The following INO80B variants were observed in gnomAD, a reference collection of about 807,000 sequenced individuals.
INO80B encodes the protein INO80 complex subunit B.
Under a neutral mutation model 31.4 loss-of-function variants are expected in INO80B, and 18 were observed. That is an observed-to-expected ratio of 0.57 (90% CI 0.40 to 0.85). The LOEUF is 0.85. Among genes scored for constraint, INO80B ranks in the 40% least tolerant of loss-of-function variants. The pLI, the probability that INO80B is intolerant of heterozygous loss-of-function variation, is 0.00. For missense variants in INO80B, 469 were observed against 475.4 expected (o/e 0.99, Z 0.13); for synonymous variants, 238 against 199.0 (o/e 1.20, Z -1.65).
At position 74,457,445 on chromosome 2, in the gene INO80B, G is replaced by C; in HGVS notation, c.652G>C (p.Glu218Gln). Residue 218 changes from glutamate to glutamine, a missense_variant, in exon 5 of 5, where the codon GAG becomes CAG. Physicochemically the swap from Glu to Gln is conservative, Grantham distance 29. Transcript: ENST00000233331. ...LTEEMLLKRE[E>Q]RARKRRLQAA... ...AGAGGAGATGCTGCTGAAGCGCGAG[G>C]AGCGGGCGCGGAAGCGGCGGCTCCA... 1.3e-6 allele frequency: 2 copies of C among 1,579,034 alleles called. No homozygotes were observed. The highest frequency in any genetic ancestry group is 4.7e-5 in the East Asian group (2 of 42,648).
rs1369926594 is a variant in INO80B, at chr2:74,457,788, T to C, written c.995T>C (p.Leu332Pro). 1 of 1,595,826 alleles carries C rather than the reference T, an allele frequency of 6.3e-7. No homozygotes were observed. The highest frequency in any genetic ancestry group is 1.7e-5 in the Admixed American group (1 of 59,696). ...CSRTGQALCSLQCYRINLQMR... is the reference protein window; with the variant it reads ...CSRTGQALCSPQCYRINLQMR... ...CGCACAGGCCAGGCACTCTGTAGTCTTCAGTGCTACCGCATCAACCTGCAG... is the reference window on the plus strand; with the variant it reads ...CGCACAGGCCAGGCACTCTGTAGTCCTCAGTGCTACCGCATCAACCTGCAG... Residue 332 changes from leucine to proline, a missense_variant, in exon 5 of 5, where the codon CTT (leucine) becomes CCT (proline). By Grantham distance (98) the Leu-to-Pro change is moderately conservative. Transcript: ENST00000233331.
rs1572912769 is a variant in INO80B at position 74,455,185 on chromosome 2, A to G, written c.58+11A>G. ...AGGCCCCTGAGCCGGGTAAGCGCGA[A>G]TAGATCAAGCAATTTAGGTCGTGTT... On this transcript the variant is annotated intron_variant, in intron 1 of 4. Transcript: ENST00000233331. 1 of 1,614,152 alleles carries G rather than the reference A, an allele frequency of 6.2e-7. No individual in the cohort carries two copies. The highest frequency in any genetic ancestry group is 1.1e-5 in the South Asian group (1 of 91,088).
In INO80B at chr2:74,456,237, AAGG is replaced by A; in HGVS notation, c.508_510del (p.Glu170del). On this transcript the variant is annotated inframe_deletion, in exon 4 of 5. Coordinates refer to ENST00000233331, the MANE Select transcript of INO80B (RefSeq NM_031288.4). Reference sequence around the variant, plus strand: ...GCTGGATGACAATGGAGACCTCAAGAAGGAGATCAATGAGCGGCTGCTTACTGC... The same window carrying A: ...GCTGGATGACAATGGAGACCTCAAGAAGATCAATGAGCGGCTGCTTACTGC... 1 of 1,614,170 alleles carries A rather than the reference AAGG, an allele frequency of 6.2e-7. No individual in the cohort carries two copies.
chr2:74,457,169 G>A (rs1671726024), intron 4 of INO80B, among the ~76,000 whole-genome samples, 165 bp from the exon 5 acceptor site: 2 of 152,192 alleles, frequency 1.3e-5, no homozygotes, highest in Admixed American at 6.5e-5. Flanking sequence ...CCTATGGAAG[G>A]TGTCCTGGAG....
Position 74,457,590 on chromosome 2 carries a change from C to A in INO80B, c.797C>A (p.Ala266Asp), listed in dbSNP as rs1360276067. Residue 266 changes from alanine (A) to aspartate (D), a missense_variant, in exon 5 of 5, where the codon GCT (alanine) becomes GAT (aspartate). Physicochemically the swap from Ala to Asp is moderately radical, Grantham distance 126 (BLOSUM62 -2). Coordinates refer to ENST00000233331, the MANE Select transcript of INO80B (RefSeq NM_031288.4). ...GARGERRGGR[A>D]AAPAPMVRYC... ...CGGGGCGAGCGGCGGGGAGGGCGGG[C>A]TGCGGCTCCGGCCCCCATGGTGCGC... 2 of 1,524,524 alleles carry A rather than the reference C, an allele frequency of 1.3e-6. No individual in the cohort carries two copies. Among genetic ancestry groups the A allele is most frequent in the Non-Finnish European group, 1.8e-6 (2 of 1,141,066 alleles). 94.4% of individuals were successfully genotyped at this position (1,524,524 alleles called of 1,614,324 possible). A position where few individuals can be genotyped will look rare whatever the true frequency, so the allele number is the denominator to read the frequency against.
chr2:74,456,010 G>C, intron 3 of INO80B, 74 bp downstream of exon 3: 1 of 1,552,408 alleles, frequency 6.4e-7, no homozygotes, highest in Non-Finnish European at 8.9e-7. Context: ...TTCTGAAATG[G>C]GTTAGGATTT....
chr2:74,455,322 T>TG lies in INO80B; in HGVS notation c.59-81dup, dbSNP rs543075139. On this transcript the variant is annotated intron_variant, in intron 1 of 4. Transcript: ENST00000233331. ...GTAACAGCGAGTACTGCGGGAAGGG[T>TG]GGGATCCAGTAGGGGCTTAGGTTAT... 9.0e-5 allele frequency: 140 copies of TG among 1,559,558 alleles called. No homozygotes were observed. The African/African-American group carries it at 1.9e-3, about 21-fold the overall frequency.
rs530925626 is a variant in INO80B at position 74,457,328 on chromosome 2, C to T, written c.541-6C>T. 7 of 1,603,620 alleles carry T rather than the reference C, an allele frequency of 4.4e-6. No individual in the cohort carries two copies. Among genetic ancestry groups the T allele is most frequent in the African/African-American group, 1.3e-5 (1 of 74,440 alleles). ...CAGACAGCACCCCGTCTCTGTCTCT[C>T]CCTAGCGAGCTCTGCTCCAGAAGGC... On this transcript the variant is annotated splice_region_variant and splice_polypyrimidine_tract_variant and intron_variant, in intron 4 of 4. Transcript: ENST00000233331.
Position 74,457,845 on chromosome 2 carries a change from C to A in INO80B, c.1052C>A (p.Ser351Tyr), listed in dbSNP as rs1365773574. The change falls in exon 5 of 5, where the codon TCC (serine) becomes TAC (tyrosine). Residue 351 changes from serine to tyrosine, a missense_variant. Around this residue, in one of 3 missense-constraint regions of INO80B, gnomAD observed 201 missense variants for 151.7 expected, o/e 1.32. Coordinates refer to ENST00000233331, the MANE Select transcript of INO80B (RefSeq NM_031288.4). ...MRLGGPEGPG[S>Y]PLLAT ...CTGGGGGGGCCCGAGGGTCCTGGAT[C>A]CCCCCTTTTGGCTACGTAAGGCCCT... The A allele has an allele frequency of 1.9e-6, 3 of 1,564,932 alleles. No homozygotes were observed. The highest frequency in any genetic ancestry group is 2.3e-5 in the East Asian group (1 of 43,934).
rs1671745975 is a variant in INO80B at position 74,457,719 on chromosome 2, G to C, written c.926G>C (p.Cys309Ser). The change falls in exon 5 of 5, where the codon TGC (cysteine) becomes TCC (serine). Residue 309 changes from cysteine (C) to serine (S), a missense_variant. Coordinates refer to ENST00000233331, the MANE Select transcript of INO80B (RefSeq NM_031288.4). ...TCCCCCTCAGGCCCGCCGCCGCGCT[G>C]CTCTGTCCCCGGCTGTCCCCATCCG... ...RPSPSGPPPR[C>S]SVPGCPHPRR... 1 of 1,600,176 alleles carries C rather than the reference G, an allele frequency of 6.2e-7. No individual in the cohort carries two copies. Among genetic ancestry groups the C allele is most frequent in the South Asian group, 1.1e-5 (1 of 90,996 alleles).
rs1671669147 is a variant in INO80B at position 74,455,520 on chromosome 2, G to A, written c.173G>A (p.Gly58Glu). ...KKKHHQEEDAGPTQPSPAKPQ... is the reference protein window; with the variant it reads ...KKKHHQEEDAEPTQPSPAKPQ... Reference sequence around the variant, plus strand: ...AAACACCATCAGGAAGAAGACGCCGGGCCCACGCAGCCGTCCCCTGCCAAG... The same window carrying A: ...AAACACCATCAGGAAGAAGACGCCGAGCCCACGCAGCCGTCCCCTGCCAAG... Residue 58 changes from glycine to glutamate, a missense_variant, in exon 2 of 5, where the codon GGG becomes GAG. Gly to Glu is a moderately conservative substitution (Grantham distance 98). Coordinates refer to ENST00000233331, the MANE Select transcript of INO80B (RefSeq NM_031288.4). The A allele has an allele frequency of 6.2e-7, 1 of 1,614,116 alleles. No homozygotes were observed. The highest frequency in any genetic ancestry group is 1.1e-5 in the South Asian group (1 of 91,082).
rs1671738397 is a variant in INO80B, at chr2:74,457,559, G to T, written c.766G>T (p.Gly256Cys). Reference protein sequence around the residue: ...AATSGRGGRGGARGERRGGRA... With the variant: ...AATSGRGGRGCARGERRGGRA... ...GACCAGTGGGCGGGGAGGCCGGGGG[G>T]GCGCACGGGGCGAGCGGCGGGGAGG... Residue 256 changes from glycine (G) to cysteine (C), a missense_variant, in exon 5 of 5, where the codon GGC becomes TGC. By Grantham distance (159) the Gly-to-Cys change is radical (BLOSUM62 -3). Coordinates refer to ENST00000233331, the MANE Select transcript of INO80B (RefSeq NM_031288.4). 2 of 1,517,344 alleles carry T rather than the reference G, an allele frequency of 1.3e-6. No individual in the cohort carries two copies. 94.0% of individuals were successfully genotyped at this position (1,517,344 alleles called of 1,614,324 possible). A position where few individuals can be genotyped will look rare whatever the true frequency, so the allele number is the denominator to read the frequency against.
At chr2:74,457,241 C>T (rs1008715501) in intron 4 of INO80B, 93 bp from the exon 5 acceptor site, 5 of 1,354,192 alleles carry the variant, frequency 3.7e-6, no homozygotes, top group Non-Finnish European at 5.0e-6. Context: ...CCCTGCCTTC[C>T]ATGTCCCTTC....
Position 74,457,657 on chromosome 2 carries a change from T to TGGCGTC in INO80B, c.865_870dup (p.Gly289_Val290dup), listed in dbSNP as rs749933382. The TGGCGTC allele has an allele frequency of 6.3e-7, 1 of 1,599,760 alleles. No individual in the cohort carries two copies. The highest frequency in any genetic ancestry group is 8.5e-7 in the Non-Finnish European group (1 of 1,178,668). On this transcript the variant is annotated inframe_insertion, in exon 5 of 5. Transcript: ENST00000233331. The stretch of plus-strand genomic sequence containing the variant: ...AGGGTTCCACCCTTTCCTTCCCACC[T>TGGCGTC]GGCGTCCCCGCCCCCACGGCAGTGT...
rs770581182 is a variant in INO80B, at chr2:74,456,090, A to C, written c.371-13A>C. The C allele has an allele frequency of 6.3e-7, 1 of 1,578,146 alleles. No individual in the cohort carries two copies. Among genetic ancestry groups the C allele is most frequent in the Non-Finnish European group, 8.6e-7 (1 of 1,162,266 alleles). On this transcript the variant is annotated splice_polypyrimidine_tract_variant and intron_variant, in intron 3 of 4. Transcript: ENST00000233331. ...GAACAATTCTGTTTTTCTTTCTCCA[A>C]CTTCCTTCCCAGATGAAGACAGTAA...
rs754467899 is a variant in INO80B, at chr2:74,457,402, C to T, written c.609C>T (p.Cys203=). ...PMLPLPVAEG[C]PPPALTEEML... is the part of the protein sequence containing the mutation. Reference sequence around the variant, plus strand: ...TGCCGCTGCCTGTAGCTGAGGGCTGCCCACCTCCCGCCCTCACAGAGGAGA... The same window carrying T: ...TGCCGCTGCCTGTAGCTGAGGGCTGTCCACCTCCCGCCCTCACAGAGGAGA... The change falls in exon 5 of 5, where the codon TGC becomes TGT. Residue 203 remains cysteine (C), a synonymous_variant. Transcript: ENST00000233331. 5 of 1,605,420 alleles carry T rather than the reference C, an allele frequency of 3.1e-6. No individual in the cohort carries two copies. In the Admixed American group the frequency reaches 6.8e-5, roughly 22 times the overall value.
intron 2 of INO80B, 39 bp downstream of exon 2, chr2:74,455,637 T>C: frequency 6.4e-7 from 1 of 1,566,040 alleles, no homozygotes; most frequent in Non-Finnish European, 8.6e-7. Context: ...AGGGGAACTT[T>C]AGGAGCAGAG....
rs1671668369 is a variant in INO80B at position 74,455,487 on chromosome 2, A to C, written c.140A>C (p.His47Pro). 6.2e-7 allele frequency: 1 copy of C among 1,614,034 alleles called. No individual in the cohort carries two copies. Among genetic ancestry groups the C allele is most frequent in the South Asian group, 1.1e-5 (1 of 91,088 alleles). The change falls in exon 2 of 5, where the codon CAC becomes CCC. Residue 47 changes from histidine (H) to proline (P), a missense_variant. His to Pro is a moderately conservative substitution (Grantham distance 77). This residue lies in a region of INO80B where 223 missense variants were observed against 253.4 expected (regional missense o/e 0.88). Transcript: ENST00000233331. The part of the protein sequence containing the change: ...KKKHKKHKKK[H>P]KKKHHQEEDA... ...AAACACAAGAAGCACAAGAAGAAAC[A>C]CAAGAAGAAACACCATCAGGAAGAA...
rs193264034 is a variant in INO80B at position 74,456,501 on chromosome 2, T to G, written c.540+229T>G. 4.6e-5 allele frequency among the ~76,000 whole-genome samples: 7 copies of G among 152,170 alleles called. No individual in the cohort carries two copies. In the East Asian group the frequency reaches 1.3e-3, roughly 29 times the overall value. ...TGACAAAAAGAAAAGGGTGATGAAA[T>G]AGAAAGTGGCGTAAACAAACAGATA... On this transcript the variant is annotated intron_variant, in intron 4 of 4. Coordinates refer to ENST00000233331, the MANE Select transcript of INO80B (RefSeq NM_031288.4).
Sources: allele counts gnomAD v4.1 joint callset (sites outside exome capture counted in the v4.1 genomes callset), GRCh38; gene constraint gnomAD v4.1.1; regional missense constraint gnomAD v4.1.1; transcripts MANE v1.5; gene names NCBI Gene and HGNC (gene_info 2026-07-23, HGNC 2026-07-21).